ENOX2: variants seen among roughly 807,000 people sequenced by gnomAD.
The protein encoded by ENOX2 is ecto-NOX disulfide-thiol exchanger 2.
A neutral mutation model predicts 45.0 loss-of-function variants in ENOX2; 36 were observed. The ratio of observed to expected loss-of-function variants is 0.80; its 90% CI spans 0.61 to 1.06. The LOEUF is 1.06. ENOX2 is among the 50% of genes least tolerant of loss of function. The probability of loss-of-function intolerance (pLI) is 0.00; values close to 1 mark genes in which losing one functional copy is unlikely to be tolerated. For synonymous variants in ENOX2, 174 were observed against 152.3 expected (o/e 1.14, Z -1.05); for missense variants, 423 against 462.5 (o/e 0.91, Z 0.78).
At chrX:130,882,925 T>C (rs1347499812) in intron 2 of ENOX2, among the ~76,000 whole-genome samples, 1 of 111,773 alleles carries the variant, frequency 8.9e-6, no homozygotes, top group African/African-American at 3.3e-5. Context: ...TACTTAGTAA[T>C]TGTGTGACGT....
chrX:130,682,801 C>T (rs750799427), intron 5 of ENOX2, among the ~76,000 whole-genome samples: 1 of 110,222 alleles, frequency 9.1e-6, no homozygotes, highest in Non-Finnish European at 1.9e-5. Flanking sequence ...GGGTATGCCA[C>T]CAAGCAGGGC....
At chrX:130,747,736 T>C (rs1017292838) in intron 3 of ENOX2, among the ~76,000 whole-genome samples, 1 of 112,628 alleles carries the variant, frequency 8.9e-6, no homozygotes, top group African/African-American at 3.2e-5. Flanking sequence ...TTCCTCATCC[T>C]ATGTGTCTTC....
At chrX:130,712,641 T>A (rs2038223467) in intron 3 of ENOX2, among the ~76,000 whole-genome samples, 1 of 111,391 alleles carries the variant, frequency 9.0e-6, no homozygotes, top group Non-Finnish European at 1.9e-5. Context: ...CAGCTTACCC[T>A]AATGGAAGAA....
intron 12 of ENOX2, among the ~76,000 whole-genome samples, chrX:130,631,868 C>A (rs1186209585): frequency 9.3e-6 from 1 of 106,972 alleles, no homozygotes; most frequent in Non-Finnish European, 1.9e-5. Flanking sequence ...CAACTAGACC[C>A]AACATTTATG....
chrX:130,629,442 A>T (rs956550988), intron 13 of ENOX2, among the ~76,000 whole-genome samples: 7 of 112,762 alleles, frequency 6.2e-5, no homozygotes, highest in African/African-American at 2.3e-4. Flanking sequence ...AAAACAAGAA[A>T]GACTTATTTT....
rs769851418 is a variant in ENOX2, at chrX:130,626,466, G to A, written c.1615-1021C>T. On this transcript the variant is annotated intron_variant, in intron 14 of 14. Transcript: ENST00000394363. The stretch of plus-strand genomic sequence containing the variant: ...TTATCCTTGAGCAGTGGGATTGTGC[G>A]TGGTAACTTGCACTTTACTAGATTT... Among the ~76,000 whole-genome samples, 7 of 112,295 alleles carry A rather than the reference G, an allele frequency of 6.2e-5. No individual in the cohort carries two copies. The South Asian group carries it at 2.2e-3, about 36-fold the overall frequency.
intron 5 of ENOX2, among the ~76,000 whole-genome samples, chrX:130,680,834 C>T (rs1020946065): frequency 2.7e-5 from 3 of 112,415 alleles, no homozygotes. Context: ...TAGGCCAAGG[C>T]CCCCAACCTG....
intron 13 of ENOX2, among the ~76,000 whole-genome samples, chrX:130,630,703 G>A (rs984977677): frequency 2.7e-5 from 3 of 111,207 alleles, no homozygotes; most frequent in African/African-American, 9.8e-5. Context: ...CAAACCTGGG[G>A]TGGGTATTGT....
chrX:130,692,308 C>G lies in ENOX2; in HGVS notation c.98-3290G>C, dbSNP rs767776643. On this transcript the variant is annotated intron_variant, in intron 4 of 14. Transcript: ENST00000394363. ...ATAGAACACCAGAGGAATTATCTCC[C>G]TTTTCCAGGCCCCTGGCCTGGCTTG... 6.2e-5 allele frequency among the ~76,000 whole-genome samples: 7 copies of G among 113,347 alleles called. No homozygotes were observed. In the South Asian group the frequency reaches 2.5e-3, roughly 41 times the overall value.
At chrX:130,685,607 G>A (rs2037428165) in intron 5 of ENOX2, among the ~76,000 whole-genome samples, 1 of 112,303 alleles carries the variant, frequency 8.9e-6, no homozygotes, top group South Asian at 3.7e-4. Flanking sequence ...CAGATTAAAC[G>A]CACTGTGTGA....
intron 3 of ENOX2, among the ~76,000 whole-genome samples, chrX:130,772,051 G>A (rs963799962): frequency 2.7e-5 from 3 of 112,440 alleles, no homozygotes; most frequent in Non-Finnish European, 5.6e-5. Context: ...AATCAAGGCA[G>A]AAAATACTTC....
chrX:130,849,105 A>G (rs750591081), intron 2 of ENOX2, among the ~76,000 whole-genome samples: 31 of 112,716 alleles, frequency 2.8e-4, no homozygotes, highest in Non-Finnish European at 5.6e-4. Context: ...CATCAGTCAA[A>G]CAAACAAAAA....
chrX:130,734,877 G>A (rs1016650145), intron 3 of ENOX2, among the ~76,000 whole-genome samples: 14 of 112,079 alleles, frequency 1.2e-4, no homozygotes, highest in African/African-American at 4.5e-4. Flanking sequence ...CCCAAACACT[G>A]GCTCCCTGTT....
chrX:130,736,550 T>C (rs992532870), intron 3 of ENOX2, among the ~76,000 whole-genome samples: 6 of 112,410 alleles, frequency 5.3e-5, no homozygotes, highest in African/African-American at 1.9e-4. Context: ...TAGTCACTTG[T>C]AACTACTCTG....
rs149711985 is a variant in ENOX2 at position 130,822,311 on chromosome X, C to T, written c.-182-38621G>A. On this transcript the variant is annotated intron_variant, in intron 2 of 14. Coordinates refer to ENST00000394363, the MANE Select transcript of ENOX2 (RefSeq NM_006375.4). ...CTTCACAATAGTGCGAAAGCAACAT[C>T]GTTCAATAGAAATACTACTTCAAAT... 2.7e-5 allele frequency among the ~76,000 whole-genome samples: 3 copies of T among 111,720 alleles called. No individual in the cohort carries two copies. The East Asian group carries it at 8.4e-4, about 31-fold the overall frequency.
intron 5 of ENOX2, among the ~76,000 whole-genome samples, chrX:130,685,352 C>T (rs1031061892): frequency 9.0e-6 from 1 of 111,449 alleles, no homozygotes; most frequent in African/African-American, 3.3e-5. Context: ...AAATGGGGAG[C>T]CATTCAAGGG....
chrX:130,637,615 TC>T (rs1213253632), intron 10 of ENOX2, among the ~76,000 whole-genome samples: 1 of 111,560 alleles, frequency 9.0e-6, no homozygotes, highest in African/African-American at 3.3e-5. Context: ...ATCATGTTCC[TC>T]ATTCTCCACC....
At chrX:130,784,275 C>T (rs773723771) in intron 2 of ENOX2, among the ~76,000 whole-genome samples, 23 of 111,413 alleles carry the variant, frequency 2.1e-4, no homozygotes, top group African/African-American at 7.5e-4. Flanking sequence ...ATGTTAATCT[C>T]ATTCTCTTCA....
At chrX:130,649,043 CAA>C (rs35154919) in intron 10 of ENOX2, among the ~76,000 whole-genome samples, 13 of 6,793 alleles carry the variant, frequency 1.9e-3, no homozygotes, top group Admixed American at 2.8e-3. Flanking sequence ...GACTCCATAT[CAA>C]AAAAAAAAAA....
Sources: allele counts gnomAD v4.1 joint callset (sites outside exome capture counted in the v4.1 genomes callset), GRCh38; gene constraint gnomAD v4.1.1; transcripts MANE v1.5; gene names NCBI Gene and HGNC (gene_info 2026-07-23, HGNC 2026-07-21).